TANC1: variants seen among roughly 807,000 people sequenced by gnomAD.
TANC1 encodes tetratricopeptide repeat, ankyrin repeat and coiled-coil containing 1.
Under a neutral mutation model 149.7 loss-of-function variants are expected in TANC1, and 77 were observed. The ratio of observed to expected loss-of-function variants is 0.51; its 90% confidence interval spans 0.43 to 0.62. The LOEUF is 0.62. Ranked by LOEUF, TANC1 falls within the 20% of genes least tolerant of loss-of-function variation. The pLI is 0.00. For synonymous variants in TANC1, 854 were observed against 925.0 expected (o/e 0.92, Z 1.39); for missense variants, 1,985 against 2,321.8 (o/e 0.85, Z 2.98).
intron 19 of TANC1, among the ~76,000 whole-genome samples, chr2:159,211,468 CT>C (rs1198711623): frequency 6.6e-6 from 1 of 152,232 alleles, no homozygotes; most frequent in Non-Finnish European, 1.5e-5. Flanking sequence ...CTGCCCTCCC[CT>C]GCCCTCTTTT....
At chr2:159,110,786 TC>T (rs929586434) in intron 4 of TANC1, among the ~76,000 whole-genome samples, 2 of 152,192 alleles carry the variant, frequency 1.3e-5, no homozygotes, top group African/African-American at 4.8e-5. Context: ...ATGAATGGAT[TC>T]CCATAGTATC....
chr2:159,022,206 C>T (rs75094334), intron 2 of TANC1, among the ~76,000 whole-genome samples: 1 of 152,046 alleles, frequency 6.6e-6, no homozygotes, highest in South Asian at 2.1e-4. Context: ...GAGGAGTGGC[C>T]AGAATGCCAC....
intron 4 of TANC1, among the ~76,000 whole-genome samples, chr2:159,132,951 C>G (rs1250429329): frequency 6.6e-6 from 1 of 152,086 alleles, no homozygotes; most frequent in African/African-American, 2.4e-5. Context: ...TCTGAAGGCT[C>G]TGGGTGATAC....
At chr2:158,980,126 C>G (rs1196994511) in intron 1 of TANC1, among the ~76,000 whole-genome samples, 2 of 152,020 alleles carry the variant, frequency 1.3e-5, no homozygotes, top group African/African-American at 4.8e-5. Context: ...GTCCTGTGGT[C>G]AAATAAGTGG....
At position 159,179,142 on chromosome 2, in the gene TANC1, C is replaced by G. The variant is rs755967653; in HGVS notation, c.2489C>G (p.Thr830Arg). 6.2e-7 allele frequency: 1 copy of G among 1,612,056 alleles called. No individual in the cohort carries two copies. Among genetic ancestry groups the G allele is most frequent in the East Asian group, 2.2e-5 (1 of 44,826 alleles). ...GTATGGAGAGCAGACGGGGAAAACACGGCCTTCCTGTGTGAGCCCAGGTAC... is the reference window on the plus strand; with the variant it reads ...GTATGGAGAGCAGACGGGGAAAACAGGGCCTTCCTGTGTGAGCCCAGGTAC... Reference protein sequence around the residue: ...WLVWRADGENTAFLCEPRNGH... With the variant: ...WLVWRADGENRAFLCEPRNGH... The change falls in exon 14 of 27, where the codon ACG (threonine) becomes AGG (arginine). Residue 830 changes from threonine (T) to arginine (R), a missense_variant. Transcript: ENST00000263635.
chr2:159,147,111 A>C (rs1467284883), intron 5 of TANC1, among the ~76,000 whole-genome samples: 1 of 152,068 alleles, frequency 6.6e-6, no homozygotes, highest in African/African-American at 2.4e-5. Flanking sequence ...TTTGTTGTGG[A>C]GGTGAATTCT....
At chr2:159,046,737 A>G (rs1171654893) in intron 2 of TANC1, among the ~76,000 whole-genome samples, 1 of 150,814 alleles carries the variant, frequency 6.6e-6, no homozygotes, top group East Asian at 2.0e-4. Context: ...AATAGCTAGG[A>G]GTACAGGCGC....
chr2:159,135,708 G>T (rs2050596575), intron 4 of TANC1, among the ~76,000 whole-genome samples: 1 of 152,242 alleles, frequency 6.6e-6, no homozygotes, highest in Non-Finnish European at 1.5e-5. Context: ...AGACTGTGTT[G>T]CTGTTACAGG....
Position 159,231,801 on chromosome 2 carries a change from C to G in TANC1, c.*789C>G, listed in dbSNP as rs940018210. 6.6e-6 allele frequency: 1 copy of G among 152,126 alleles called. No homozygotes were observed. Among genetic ancestry groups the G allele is most frequent in the Non-Finnish European group, 1.5e-5 (1 of 67,998 alleles). 9.4% of individuals were successfully genotyped at this position (152,126 alleles called of 1,614,324 possible). On this transcript the variant is annotated 3_prime_UTR_variant, in exon 27 of 27. Coordinates refer to ENST00000263635, the MANE Select transcript of TANC1 (RefSeq NM_033394.3). ...AGTGGCGCTTATAAATTAGCTCTCA[C>G]CTGGTTTCCAAACTGCTTTTAACAA...
At chr2:159,132,057 C>T (rs1396347068) in intron 4 of TANC1, among the ~76,000 whole-genome samples, 1 of 152,080 alleles carries the variant, frequency 6.6e-6, no homozygotes, top group East Asian at 1.9e-4. Context: ...TATAAGTGCT[C>T]AATGGTGATT....
chr2:159,136,114 G>A lies in TANC1; in HGVS notation c.260-80G>A. ...TTCCTCTAGGCATATTTGGGTCCTG[G>A]TAAGGACACACACTGTACATTCCAA... On this transcript the variant is annotated intron_variant, in intron 4 of 26. Coordinates refer to ENST00000263635, the MANE Select transcript of TANC1 (RefSeq NM_033394.3). 3 of 853,546 alleles carry A rather than the reference G, an allele frequency of 3.5e-6. No homozygotes were observed. In the South Asian group the frequency reaches 4.2e-5, roughly 12 times the overall value. The allele number at this position is 853,546 out of a possible 1,614,324, so 52.9% of individuals were successfully genotyped here. A position where few individuals can be genotyped will look rare whatever the true frequency, so the allele number is the denominator to read the frequency against.
intron 19 of TANC1, among the ~76,000 whole-genome samples, chr2:159,211,722 C>T (rs1259238554): frequency 6.6e-6 from 1 of 152,242 alleles, no homozygotes; most frequent in East Asian, 1.9e-4. Context: ...CCCCAGAATA[C>T]TCAATCTGCT....
chr2:159,156,550 G>A (rs1281973214), intron 7 of TANC1, among the ~76,000 whole-genome samples: 2 of 152,214 alleles, frequency 1.3e-5, no homozygotes, highest in Admixed American at 6.5e-5. Flanking sequence ...TTGTCCACTT[G>A]TGGGACTACA....
At position 159,052,833 on chromosome 2, in the gene TANC1, G is replaced by A. The variant is rs561744919; in HGVS notation, c.-15-13063G>A. 5.3e-5 allele frequency among the ~76,000 whole-genome samples: 8 copies of A among 152,306 alleles called. No individual in the cohort carries two copies. The East Asian group carries it at 9.6e-4, about 18-fold the overall frequency. On this transcript the variant is annotated intron_variant, in intron 2 of 26. Transcript: ENST00000263635. ...AGTTTAAAATACATTTATGCCCATC[G>A]CTGCTTTAAAAACTGCAGTAGTTAT...
At chr2:159,187,150 G>A (rs191500820) in intron 16 of TANC1, 126 bp downstream of exon 16, 173 of 1,112,422 alleles carry the variant, frequency 1.6e-4, no homozygotes, top group Non-Finnish European at 1.9e-4. Flanking sequence ...TTCTAAAGAT[G>A]TGCTTCCCTG....
At chr2:159,082,903 C>T (rs1003994501) in intron 3 of TANC1, among the ~76,000 whole-genome samples, 9 of 152,044 alleles carry the variant, frequency 5.9e-5, no homozygotes, top group Admixed American at 1.3e-4. Flanking sequence ...TAAGACCTAC[C>T]GAATTTAGTG....
chr2:159,098,534 AAT>A (rs2046361738), intron 4 of TANC1, among the ~76,000 whole-genome samples: 1 of 152,244 alleles, frequency 6.6e-6, no homozygotes, highest in South Asian at 2.1e-4. Context: ...GTCATCTGAC[AAT>A]AGTCTATTTA....
intron 21 of TANC1, 161 bp from the exon 22 acceptor site, chr2:159,219,528 TCAG>T (rs2059556538): frequency 8.1e-7 from 1 of 1,232,478 alleles, no homozygotes; most frequent in South Asian, 1.4e-5. Flanking sequence ...GTATTCCTCT[TCAG>T]CAGCGATGAC....
intron 19 of TANC1, among the ~76,000 whole-genome samples, chr2:159,203,945 C>T (rs1251294232): frequency 3.3e-5 from 5 of 152,188 alleles, no homozygotes; most frequent in Non-Finnish European, 4.4e-5. Flanking sequence ...GGCAACCGTC[C>T]GTTCTAGTGC....
Sources: allele counts gnomAD v4.1 joint callset (sites outside exome capture counted in the v4.1 genomes callset), GRCh38; gene constraint gnomAD v4.1.1; transcripts MANE v1.5; gene names NCBI Gene and HGNC (gene_info 2026-07-23, HGNC 2026-07-21).